Variants in MPP7 observed in about 807,000 individuals in gnomAD.
MPP7 encodes MAGUK p55 scaffold protein 7, also known as MAGUK p55 subfamily member 7.
A neutral mutation model predicts 76.5 loss-of-function variants in MPP7; 60 were observed. The observed-to-expected ratio is 0.78, with a 90% CI of 0.64 to 0.97. The LOEUF (loss-of-function observed/expected upper bound fraction) is 0.97. MPP7 is among the 50% of genes least tolerant of loss of function. The probability of loss-of-function intolerance (pLI) is 0.00; values close to 1 mark genes in which losing one functional copy is unlikely to be tolerated. For synonymous variants in MPP7, 237 were observed against 244.5 expected (o/e 0.97, Z 0.29); for missense variants, 641 against 694.0 (o/e 0.92, Z 0.86).
rs1390366537 is a variant in MPP7, at chr10:28,052,253, C to T, written c.*1812G>A. On this transcript the variant is annotated 3_prime_UTR_variant, in exon 17 of 17. Coordinates refer to ENST00000683449, the MANE Select transcript of MPP7 (RefSeq NM_001318170.2). Reference sequence around the variant, plus strand: ...GTCTTGATTTATAGAAAATTTCAGACAATGTTCAAAGAAGGAAATATGCTA... The same window carrying T: ...GTCTTGATTTATAGAAAATTTCAGATAATGTTCAAAGAAGGAAATATGCTA... 6.6e-6 allele frequency: 1 copy of T among 152,170 alleles called. No homozygotes were observed. The highest frequency in any genetic ancestry group is 2.4e-5 in the African/African-American group (1 of 41,436). The allele number at this position is 152,170 out of a possible 1,614,324, so 9.4% of individuals were successfully genotyped here.
At chr10:28,093,579 T>C (rs1420569271) in intron 11 of MPP7, among the ~76,000 whole-genome samples, 3 of 151,966 alleles carry the variant, frequency 2.0e-5, no homozygotes, top group Non-Finnish European at 4.4e-5. Context: ...CCTGAGTAGC[T>C]GGGACTACAG....
intron 11 of MPP7, among the ~76,000 whole-genome samples, chr10:28,106,302 T>C (rs1340570418): frequency 1.3e-5 from 2 of 152,208 alleles, no homozygotes; most frequent in Non-Finnish European, 2.9e-5. Flanking sequence ...CTTACCAGGA[T>C]ACCTATCTAC....
At chr10:28,113,122 T>C (rs772864755) in intron 11 of MPP7, among the ~76,000 whole-genome samples, 5 of 152,174 alleles carry the variant, frequency 3.3e-5, no homozygotes, top group African/African-American at 1.2e-4. Flanking sequence ...TATGCTGCAG[T>C]GACCACCTCT....
intron 13 of MPP7, among the ~76,000 whole-genome samples, chr10:28,063,299 T>C (rs770810760): frequency 2.0e-5 from 3 of 151,886 alleles, no homozygotes; most frequent in East Asian, 1.9e-4. Flanking sequence ...ACCTCTACTA[T>C]AAATATAAAA....
intron 1 of MPP7, among the ~76,000 whole-genome samples, chr10:28,278,747 A>G (rs544262970): frequency 1.3e-5 from 2 of 152,044 alleles, no homozygotes; most frequent in East Asian, 3.9e-4. Flanking sequence ...CTGAGAAGAG[A>G]GGGAAATAAA....
In MPP7 at chr10:28,120,321, G is replaced by A. The variant is rs1461447084; in HGVS notation, c.760C>T (p.Leu254Phe). The A allele has an allele frequency of 1.2e-6, 2 of 1,613,778 alleles. No homozygotes were observed. The highest frequency in any genetic ancestry group is 1.3e-5 in the African/African-American group (1 of 74,864). The change falls in exon 10 of 17, where the codon CTT becomes TTT. Residue 254 changes from leucine (L) to phenylalanine (F), a missense_variant. By Grantham distance (22) the Leu-to-Phe change is conservative. Transcript: ENST00000683449. The part of the protein sequence containing the change: ...DKAIPCKEAG[L>F]SFKKGDILQI... ...AGAATATCTCCCTTTTTGAAAGAAA[G>A]CCCAGCTTCCTTACATGGAATTGCC...
At chr10:28,196,136 C>T (rs976818896) in intron 3 of MPP7, among the ~76,000 whole-genome samples, 4 of 152,222 alleles carry the variant, frequency 2.6e-5, no homozygotes, top group South Asian at 2.1e-4. Context: ...GGCACCCCTA[C>T]TCCCAAATCT....
chr10:28,275,740 C>G (rs552541224), intron 1 of MPP7, among the ~76,000 whole-genome samples: 13 of 151,850 alleles, frequency 8.6e-5, no homozygotes, highest in African/African-American at 3.1e-4. Context: ...GTCTTCTTCC[C>G]TACATCTGCA....
At chr10:28,059,274 G>A (rs1429712534) in intron 14 of MPP7, among the ~76,000 whole-genome samples, 3 of 152,136 alleles carry the variant, frequency 2.0e-5, no homozygotes, top group Non-Finnish European at 4.4e-5. Flanking sequence ...TGAGATGCAG[G>A]TGTGTGAAGC....
In MPP7 at chr10:28,202,235, AGCTGGGCTG is replaced by A. The variant is rs749376599; in HGVS notation, c.65_73del (p.Pro22_Gln24del). ...TTCCTGGCTATCCACATGTGGCTGC[AGCTGGGCTG>A]GCAGAGCAGCCAACAGCTCATACAG... On this transcript the variant is annotated inframe_deletion, in exon 3 of 17. Transcript: ENST00000683449. 2 of 1,613,608 alleles carry A rather than the reference AGCTGGGCTG, an allele frequency of 1.2e-6. No homozygotes were observed. Among genetic ancestry groups the A allele is most frequent in the East Asian group, 2.2e-5 (1 of 44,874 alleles).
chr10:28,088,885 T>C (rs1053306525), intron 12 of MPP7, among the ~76,000 whole-genome samples: 1 of 152,084 alleles, frequency 6.6e-6, no homozygotes, highest in African/African-American at 2.4e-5. Flanking sequence ...TTAACTGCCT[T>C]TTTATTTTGA....
chr10:28,121,836 T>C (rs1404999262), intron 8 of MPP7, among the ~76,000 whole-genome samples: 1 of 149,900 alleles, frequency 6.7e-6, no homozygotes, highest in Non-Finnish European at 1.5e-5. Flanking sequence ...GGCTCTGATG[T>C]GTACTGTCTG....
At chr10:28,092,499 G>A (rs1408997139) in intron 11 of MPP7, among the ~76,000 whole-genome samples, 2 of 151,426 alleles carry the variant, frequency 1.3e-5, no homozygotes, top group East Asian at 4.0e-4. Flanking sequence ...AAGCGCCAGA[G>A]AAAAAGTTAT....
chr10:28,304,584 T>G (rs922294722), upstream of MPP7, among the ~76,000 whole-genome samples: 13 of 152,052 alleles, frequency 8.5e-5, no homozygotes, highest in African/African-American at 2.9e-4. Context: ...ACCAAACCTT[T>G]CTAATAATAA....
At chr10:28,135,939 G>A (rs1237435192) in intron 5 of MPP7, among the ~76,000 whole-genome samples, 1 of 152,134 alleles carries the variant, frequency 6.6e-6, no homozygotes, top group Non-Finnish European at 1.5e-5. Context: ...GTGAGTAGTA[G>A]AGACTGAGCA....
At chr10:28,307,003 C>G (rs543596717), upstream of MPP7, among the ~76,000 whole-genome samples, 119 of 152,260 alleles carry the variant, frequency 7.8e-4, no homozygotes, top group Non-Finnish European at 1.3e-3. Context: ...CCTGCCTAAC[C>G]CTAACCCTAA....
intron 12 of MPP7, among the ~76,000 whole-genome samples, chr10:28,089,393 T>C (rs1236402483): frequency 6.6e-6 from 1 of 152,152 alleles, no homozygotes; most frequent in South Asian, 2.1e-4. Context: ...TATTATTTAA[T>C]TGCCCTGATG....
chr10:28,185,729 G>C (rs1004524487), intron 3 of MPP7, among the ~76,000 whole-genome samples: 3 of 152,116 alleles, frequency 2.0e-5, no homozygotes, highest in Non-Finnish European at 2.9e-5. Context: ...TACACAAAAA[G>C]TGTGCTCGTA....
intron 1 of MPP7, among the ~76,000 whole-genome samples, chr10:28,253,870 C>G (rs577708021): frequency 5.0e-4 from 76 of 151,802 alleles, no homozygotes; most frequent in African/African-American, 1.8e-3. Flanking sequence ...GTCGGGGGCA[C>G]CTGCAGTCCC....
Sources: gnomAD v4.1 joint callset for allele counts (sites outside exome capture counted in the v4.1 genomes callset) on GRCh38, gnomAD v4.1.1 for gene constraint, MANE v1.5 for transcripts, NCBI Gene and HGNC (gene_info 2026-07-23, HGNC 2026-07-21) for gene names.